Variants in CPM observed in about 807,000 individuals in gnomAD.
The protein encoded by CPM is carboxypeptidase M.
CPM carries 35 observed loss-of-function variants against 46.4 expected under a neutral mutation model. The ratio of observed to expected loss-of-function variants is 0.75; its 90% CI spans 0.58 to 1.00. CPM has a LOEUF of 1.00. Among genes scored for constraint, CPM ranks in the 50% least tolerant of loss-of-function variants. The probability of loss-of-function intolerance (pLI) is 0.00; values close to 1 mark genes in which losing one functional copy is unlikely to be tolerated. For missense variants in CPM, 422 were observed against 530.4 expected (o/e 0.80, Z 2.01); for synonymous variants, 195 against 195.3 (o/e 1.00, Z 0.01).
intron 3 of CPM, among the ~76,000 whole-genome samples, chr12:68,876,915 TGTGTGAGA>T (rs1480211310): frequency 1.2e-4 from 17 of 146,556 alleles, no homozygotes; most frequent in Admixed American, 3.4e-4. Context: ...TGTGTGTGTG[TGTGTGAGA>T]GAGAGAGAGA....
At chr12:68,868,823 A>C (rs947374690) in intron 6 of CPM, among the ~76,000 whole-genome samples, 1 of 151,908 alleles carries the variant, frequency 6.6e-6, no homozygotes, top group African/African-American at 2.4e-5. Flanking sequence ...TTGGCTCCCC[A>C]AGGCTGCATG....
chr12:68,908,893 T>C (rs74099469), intron 2 of CPM, among the ~76,000 whole-genome samples: 3,751 of 152,102 alleles, frequency 0.025, 132 homozygotes, highest in African/African-American at 0.084. Flanking sequence ...CATGAATAAA[T>C]AGAAAAACAG....
At chr12:68,959,698 G>T (rs1205884700) in intron 1 of CPM, among the ~76,000 whole-genome samples, 1 of 152,178 alleles carries the variant, frequency 6.6e-6, no homozygotes, top group East Asian at 1.9e-4. Context: ...GGGTTTGCTG[G>T]GTGCTTCTCA....
At chr12:68,874,861 G>T (rs936891792) in intron 3 of CPM, among the ~76,000 whole-genome samples, 2 of 152,142 alleles carry the variant, frequency 1.3e-5, no homozygotes, top group Non-Finnish European at 2.9e-5. Flanking sequence ...ATGTGAATTT[G>T]TCTCTTAGCT....
At chr12:68,937,651 TA>T (rs1373449951), upstream of CPM, among the ~76,000 whole-genome samples, 5 of 152,106 alleles carry the variant, frequency 3.3e-5, no homozygotes, top group African/African-American at 1.2e-4. Context: ...GTAAAATAAA[TA>T]GTAAGATCTC....
chr12:68,918,750 T>G (rs1440441630), intron 2 of CPM, among the ~76,000 whole-genome samples: 2 of 152,092 alleles, frequency 1.3e-5, no homozygotes. Context: ...TTAATCCAAA[T>G]CACCATCATC....
At chr12:68,935,099 G>A (rs1382485158), upstream of CPM, among the ~76,000 whole-genome samples, 2 of 152,028 alleles carry the variant, frequency 1.3e-5, no homozygotes, top group African/African-American at 2.4e-5. Flanking sequence ...TAGTAGAGAC[G>A]GGGTTTCACC....
chr12:68,942,317 T>C (rs999133664), intron 1 of CPM, among the ~76,000 whole-genome samples: 2 of 152,198 alleles, frequency 1.3e-5, no homozygotes, highest in East Asian at 1.9e-4. Context: ...GTATACACAT[T>C]TGTGTTCGTG....
intron 2 of CPM, among the ~76,000 whole-genome samples, chr12:68,909,445 C>T (rs1152933): frequency 0.7 from 105,719 of 151,980 alleles, 37,642 homozygotes; most frequent in African/African-American, 0.87. Context: ...CACATACTCA[C>T]GTGGGGCTGG....
At chr12:68,932,961 A>G (rs1339465000) in intron 1 of CPM, 121 bp from the exon 2 acceptor site, 12 of 857,302 alleles carry the variant, frequency 1.4e-5, no homozygotes, top group Non-Finnish European at 2.0e-5. Flanking sequence ...CTGCCTCCTA[A>G]GGAGGCAAAA....
chr12:68,946,824 GAA>G (rs372470379), intron 1 of CPM, among the ~76,000 whole-genome samples: 244 of 152,292 alleles, frequency 1.6e-3, no homozygotes, highest in African/African-American at 5.6e-3. Context: ...AAGGTAGAGA[GAA>G]AGAAATGCGC....
chr12:68,896,660 A>G (rs546020126), intron 2 of CPM, among the ~76,000 whole-genome samples: 35 of 152,338 alleles, frequency 2.3e-4, no homozygotes, highest in Admixed American at 1.8e-3. Flanking sequence ...GAGTCAATGC[A>G]CCTTCTTGGA....
chr12:68,961,979 T>C (rs1889123214), intron 1 of CPM, among the ~76,000 whole-genome samples: 1 of 152,008 alleles, frequency 6.6e-6, no homozygotes, highest in Admixed American at 6.6e-5. Context: ...GGCGGGCGGA[T>C]CACGAGGTCA....
At chr12:68,934,166 C>A (rs1406685832), upstream of CPM, among the ~76,000 whole-genome samples, 1 of 151,852 alleles carries the variant, frequency 6.6e-6, no homozygotes, top group Non-Finnish European at 1.5e-5. Context: ...TTGTAAGTAA[C>A]CGTGTCAGGG....
Position 68,869,387 on chromosome 12 carries a change from C to T in CPM, c.725G>A (p.Cys242Tyr). Residue 242 changes from cysteine to tyrosine, a missense_variant, in exon 6 of 9, where the codon TGT becomes TAT. Physicochemically the swap from Cys to Tyr is radical, Grantham distance 194. Coordinates refer to ENST00000551568, the MANE Select transcript of CPM (RefSeq NM_198320.5). ...RNPNMKKGDE[C>Y]KNKMNFPNGV... ...ATTAGGAAAGTTCATTTTGTTTTTA[C>T]ACTCGTCTCCTTTCTTCATGTTGGG... 3 of 1,614,016 alleles carry T rather than the reference C, an allele frequency of 1.9e-6. No homozygotes were observed. The highest frequency in any genetic ancestry group is 2.5e-6 in the Non-Finnish European group (3 of 1,179,980).
chr12:68,865,575 G>A (rs778546027), intron 7 of CPM, among the ~76,000 whole-genome samples: 1 of 151,980 alleles, frequency 6.6e-6, no homozygotes, highest in African/African-American at 2.4e-5. Context: ...ATGCAGTTAT[G>A]CAGTAGGCCC....
intron 7 of CPM, among the ~76,000 whole-genome samples, chr12:68,861,540 GT>G (rs112044881): frequency 8.2e-5 from 12 of 145,928 alleles, no homozygotes; most frequent in Non-Finnish European, 7.6e-5. Context: ...ACAATTTTTT[GT>G]TTTTTTTTTT....
At chr12:68,890,368 TAAA>T (rs10564575) in intron 2 of CPM, among the ~76,000 whole-genome samples, 1 of 144,538 alleles carries the variant, frequency 6.9e-6, no homozygotes, top group African/African-American at 2.5e-5. Flanking sequence ...TTTTTTAATT[TAAA>T]AAAAAAAAAA....
rs112461809 is a variant in CPM, at chr12:68,927,730, C to T, written c.160+4948G>A. 3.2e-3 allele frequency among the ~76,000 whole-genome samples: 486 copies of T among 152,242 alleles called. 4 individuals are homozygous for T. Among genetic ancestry groups the T allele is most frequent in the African/African-American group, 0.011 (445 of 41,534 alleles). ...GTTTAAGTCTTACACCAGTAACAGACAAACAGAGAGCCAAATCATGAGTGA... is the reference window on the plus strand; with the variant it reads ...GTTTAAGTCTTACACCAGTAACAGATAAACAGAGAGCCAAATCATGAGTGA... On this transcript the variant is annotated intron_variant, in intron 2 of 8. Coordinates refer to ENST00000551568, the MANE Select transcript of CPM (RefSeq NM_198320.5).
Sources: allele counts gnomAD v4.1 joint callset (sites outside exome capture counted in the v4.1 genomes callset), GRCh38; gene constraint gnomAD v4.1.1; transcripts MANE v1.5; gene names NCBI Gene and HGNC (gene_info 2026-07-23, HGNC 2026-07-21).